Variants in NALF1 observed in about 807,000 individuals in gnomAD.
The protein encoded by NALF1 is NALCN channel auxiliary factor 1, also known as family with sequence similarity 155 member A.
In NALF1, 3 loss-of-function variants were observed where a neutral mutation model predicts 48.4. The ratio of observed to expected loss-of-function variants is 0.06; its 90% confidence interval spans 0.03 to 0.16. The LOEUF (loss-of-function observed/expected upper bound fraction) is 0.16, where lower values mean the gene tolerates loss of function less well. Ranked by LOEUF, NALF1 falls within the 10% of genes least tolerant of loss-of-function variation. NALF1 has a pLI of 1.00. For missense variants in NALF1, 526 were observed against 571.5 expected (o/e 0.92, Z 0.81); for synonymous variants, 262 against 245.7 (o/e 1.07, Z -0.62).
intron 1 of NALF1, among the ~76,000 whole-genome samples, chr13:107,820,555 G>A (rs1319581312): frequency 1.3e-5 from 2 of 152,084 alleles, no homozygotes; most frequent in East Asian, 1.9e-4. Context: ...AAACCTTCCA[G>A]GCAGAAGCTT....
chr13:107,359,962 T>C (rs1171717761), intron 1 of NALF1, among the ~76,000 whole-genome samples: 2 of 152,184 alleles, frequency 1.3e-5, no homozygotes, highest in African/African-American at 2.4e-5. Flanking sequence ...ATTTTTACTA[T>C]GGGCACAAGG....
At chr13:107,428,524 C>T (rs1884320741) in intron 1 of NALF1, among the ~76,000 whole-genome samples, 1 of 152,120 alleles carries the variant, frequency 6.6e-6, no homozygotes, top group Non-Finnish European at 1.5e-5. Context: ...TCTCCTCCAG[C>T]CCTAAAATTC....
chr13:107,564,725 A>T (rs1877744710), intron 1 of NALF1, among the ~76,000 whole-genome samples: 2 of 152,258 alleles, frequency 1.3e-5, no homozygotes, highest in South Asian at 4.1e-4. Context: ...AAATCAGCTG[A>T]AAGTTTATTC....
At chr13:107,669,485 A>G (rs893729756) in intron 1 of NALF1, among the ~76,000 whole-genome samples, 5 of 152,154 alleles carry the variant, frequency 3.3e-5, no homozygotes, top group South Asian at 4.1e-4. Flanking sequence ...TCAATACAAC[A>G]TAAATGAGTC....
At chr13:107,576,926 A>G (rs1445981856) in intron 1 of NALF1, among the ~76,000 whole-genome samples, 1 of 152,226 alleles carries the variant, frequency 6.6e-6, no homozygotes, top group Non-Finnish European at 1.5e-5. Flanking sequence ...AATAGGAGCC[A>G]GCATTACAAG....
At chr13:107,349,295 T>C (rs2138943132) in intron 1 of NALF1, among the ~76,000 whole-genome samples, 1 of 152,298 alleles carries the variant, frequency 6.6e-6, no homozygotes, top group South Asian at 2.1e-4. Flanking sequence ...AATGCCCAAC[T>C]CATGGCTCCT....
rs543931589 is a variant in NALF1 at position 107,576,590 on chromosome 13, T to C, written c.915+289092A>G. ...GTAAGACTACATACAGAGTCTTGCA[T>C]GTGGGTCACATACATATGGGTCAAG... On this transcript the variant is annotated intron_variant, in intron 1 of 2. Transcript: ENST00000375915. 3.2e-4 allele frequency among the ~76,000 whole-genome samples: 49 copies of C among 152,318 alleles called. No individual in the cohort carries two copies. In the South Asian group the frequency reaches 9.9e-3, roughly 31 times the overall value.
At position 107,866,320 on chromosome 13, in the gene NALF1, GCTGCTGCTGCCGCTGCCT is replaced by G. The variant is rs1249248155; in HGVS notation, c.259_276del (p.Arg87_Gln92del). On this transcript the variant is annotated inframe_deletion, in exon 1 of 3. Coordinates refer to ENST00000375915, the MANE Select transcript of NALF1 (RefSeq NM_001080396.3). The surrounding 1 kb of genome is among the most constrained non-coding windows in gnomAD (Gnocchi z 4.4). ...GGCTCCTGCTGCCGCCGCTGCTGCT[GCTGCTGCTGCCGCTGCCT>G]CTGCTGCTGCTGCTGCTGCTGCTGC... The G allele has an allele frequency of 1.2e-6, 2 of 1,608,950 alleles. No individual in the cohort carries two copies. Among genetic ancestry groups the G allele is most frequent in the East Asian group, 2.2e-5 (1 of 44,816 alleles).
At chr13:107,686,150 C>T (rs1270534931) in intron 1 of NALF1, among the ~76,000 whole-genome samples, 1 of 152,094 alleles carries the variant, frequency 6.6e-6, no homozygotes, top group African/African-American at 2.4e-5. Context: ...AGGGAAATGT[C>T]TGGGGAAGAA....
chr13:107,866,516 T>G lies in NALF1; in HGVS notation c.81A>C (p.Lys27Asn). 2.5e-6 allele frequency: 4 copies of G among 1,613,806 alleles called. No homozygotes were observed. The highest frequency in any genetic ancestry group is 3.4e-6 in the Non-Finnish European group (4 of 1,179,986). Residue 27 changes from lysine to asparagine, a missense_variant, in exon 1 of 3, where the codon AAA becomes AAC. Physicochemically the swap from Lys to Asn is moderately conservative, Grantham distance 94 (BLOSUM62 0). Around this residue, in one of 2 missense-constraint regions of NALF1, gnomAD observed 373 missense variants for 355.5 expected, o/e 1.05. Transcript: ENST00000375915. The surrounding 1 kb of genome is among the most constrained non-coding windows in gnomAD (Gnocchi z 4.4). ...GAGCCCTCTCGGAATCGATGAACGG[T>G]TTCTCGTTCTCTCGGGGTGCTGCCA... ...IWLAAPRENE[K>N]PFIDSERAQK...
intron 1 of NALF1, among the ~76,000 whole-genome samples, chr13:107,735,525 C>A (rs150142183): frequency 6.6e-6 from 1 of 152,274 alleles, no homozygotes; most frequent in African/African-American, 2.4e-5. Context: ...TCTGCGCACA[C>A]ATATGTTTAA....
chr13:107,769,703 AGAAGAAAT>A (rs1451286196), intron 1 of NALF1, among the ~76,000 whole-genome samples: 2 of 144,746 alleles, frequency 1.4e-5, no homozygotes, highest in Non-Finnish European at 3.1e-5. Flanking sequence ...AAAAAAAAAA[AGAAGAAAT>A]AAACACAGGT....
chr13:107,519,303 C>T (rs563818085), intron 1 of NALF1, among the ~76,000 whole-genome samples: 2 of 150,712 alleles, frequency 1.3e-5, no homozygotes, highest in African/African-American at 4.9e-5. Context: ...GTATTGTGCA[C>T]AGAATACTGA....
chr13:107,336,841 A>G lies in NALF1; in HGVS notation c.916-126086T>C, dbSNP rs533823240. Reference sequence around the variant, plus strand: ...CCCCCTTACTCTATTACACAGTTACAGCAGGATCAAGGAAGAAAATGAGGA... The same window carrying G: ...CCCCCTTACTCTATTACACAGTTACGGCAGGATCAAGGAAGAAAATGAGGA... On this transcript the variant is annotated intron_variant, in intron 1 of 2. Transcript: ENST00000375915. Among the ~76,000 whole-genome samples, 5 of 152,228 alleles carry G rather than the reference A, an allele frequency of 3.3e-5. No individual in the cohort carries two copies. In the East Asian group the frequency reaches 9.6e-4, roughly 29 times the overall value.
intron 2 of NALF1, among the ~76,000 whole-genome samples, chr13:107,198,716 C>T (rs912556776): frequency 6.6e-6 from 1 of 152,228 alleles, no homozygotes; most frequent in South Asian, 2.1e-4. Flanking sequence ...CAGCTTCTCT[C>T]ATTTCTGGGG....
chr13:107,828,499 T>TC (rs1306058116), intron 1 of NALF1, among the ~76,000 whole-genome samples: 35 of 150,802 alleles, frequency 2.3e-4, no homozygotes, highest in African/African-American at 8.3e-4. Context: ...CTTGTTTTTT[T>TC]TTTTTTTTCT....
At chr13:107,813,532 T>C (rs941316609) in intron 1 of NALF1, among the ~76,000 whole-genome samples, 11 of 152,196 alleles carry the variant, frequency 7.2e-5, no homozygotes, top group African/African-American at 2.4e-4. Context: ...ACAGGTACTA[T>C]TTATTACAAA....
intron 1 of NALF1, among the ~76,000 whole-genome samples, chr13:107,765,864 A>C (rs950809087): frequency 6.6e-6 from 1 of 152,190 alleles, no homozygotes; most frequent in African/African-American, 2.4e-5. Flanking sequence ...CCTACTATTA[A>C]ACTTTTATAA....
chr13:107,365,411 G>C (rs539648242), intron 1 of NALF1, among the ~76,000 whole-genome samples: 1 of 151,954 alleles, frequency 6.6e-6, no homozygotes, highest in Non-Finnish European at 1.5e-5. Context: ...CAGCCCTGCC[G>C]AGAAACTTCT....
Sources: gnomAD v4.1 joint callset for allele counts (sites outside exome capture counted in the v4.1 genomes callset) on GRCh38, gnomAD v4.1.1 for gene constraint, gnomAD v4.1.1 regional missense constraint, Gnocchi (gnomAD v3.1) non-coding constraint, MANE v1.5 for transcripts, NCBI Gene and HGNC (gene_info 2026-07-23, HGNC 2026-07-21) for gene names.